The following PARP16 variants were observed in gnomAD, a reference collection of about 807,000 sequenced individuals.
PARP16 encodes the protein protein mono-ADP-ribosyltransferase PARP16.
Under a neutral mutation model 35.0 loss-of-function variants are expected in PARP16, and 31 were observed. That is an observed-to-expected ratio of 0.88 (90% CI 0.66 to 1.19). PARP16 has a LOEUF of 1.19. PARP16 is among the 50% of genes most tolerant of loss of function. PARP16 has a pLI of 0.00. For missense variants in PARP16, 424 were observed against 411.2 expected, an observed-to-expected ratio of 1.03 and a Z score of -0.27; for synonymous variants, 162 against 169.5, an observed-to-expected ratio of 0.96 and a Z score of 0.34.
chr15:65,266,015 G>A (rs2089879010), intron 3 of PARP16, among the ~76,000 whole-genome samples: 1 of 152,092 alleles, frequency 6.6e-6, no homozygotes, highest in Non-Finnish European at 1.5e-5. Context: ...TGCCACCTCT[G>A]CCTCCCAGGT....
intron 1 of PARP16, 114 bp from the exon 2 acceptor site, chr15:65,271,186 T>G: frequency 1.1e-6 from 1 of 941,190 alleles, no homozygotes; most frequent in Non-Finnish European, 1.7e-6. Context: ...AGGGATCTCC[T>G]GAGAGGAAAT....
chr15:65,231,628 A>G (rs1166134049), downstream of PARP16, among the ~76,000 whole-genome samples: 1 of 151,622 alleles, frequency 6.6e-6, no homozygotes, highest in Admixed American at 6.6e-5. Context: ...TTGTATTTTT[A>G]GTAGAGACGG....
At chr15:65,266,445 G>A (rs188756111) in intron 3 of PARP16, 117 bp downstream of exon 3, 152 of 779,116 alleles carry the variant, frequency 2.0e-4, no homozygotes, top group East Asian at 1.3e-3. Flanking sequence ...GTGAGAAGGC[G>A]TTAGTAAACC....
intron 1 of PARP16, among the ~76,000 whole-genome samples, chr15:65,281,297 T>C (rs930685192): frequency 2.0e-5 from 3 of 152,230 alleles, no homozygotes; most frequent in African/African-American, 7.2e-5. Flanking sequence ...TGAGAAATCC[T>C]GAGCCTGGGT....
chr15:65,273,293 A>T (rs624535), intron 1 of PARP16, among the ~76,000 whole-genome samples: 2,043 of 149,546 alleles, frequency 0.014, 100 homozygotes, highest in African/African-American at 0.042. Context: ...AAAAAAAAAA[A>T]AGAATACCTG....
At chr15:65,278,047 C>T (rs933024759) in intron 1 of PARP16, among the ~76,000 whole-genome samples, 2 of 152,186 alleles carry the variant, frequency 1.3e-5, no homozygotes, top group Admixed American at 6.5e-5. Flanking sequence ...GGGTTTCCCA[C>T]TCCAGGTGGG....
At chr15:65,248,179 C>T (rs1159036768) in exon 3 of PARP16, 9 of 456,358 alleles carry the variant, frequency 2.0e-5, no homozygotes, top group Non-Finnish European at 3.5e-5. Context: ...TTTAGATGGC[C>T]ACACTCTGGC....
chr15:65,282,996 G>C (rs1240990448), intron 1 of PARP16, among the ~76,000 whole-genome samples: 12 of 152,112 alleles, frequency 7.9e-5, no homozygotes, highest in Admixed American at 7.9e-4. Flanking sequence ...ATTTTAAAAA[G>C]CATGATCAAA....
rs1352431175 is a variant in PARP16 at position 65,267,234 on chromosome 15, T to C, written c.313-466A>G. ...CCAGACTGGGCAACAAGAGTGAAAC[T>C]CCATTTAAAAAAATAATAATAATAA... On this transcript the variant is annotated intron_variant, in intron 2 of 5. Coordinates refer to ENST00000649807, the MANE Select transcript of PARP16 (RefSeq NM_001316943.2). Among the ~76,000 whole-genome samples the C allele has an allele frequency of 2.0e-5, 3 of 151,160 alleles. No homozygotes were observed. The East Asian group carries it at 5.9e-4, about 30-fold the overall frequency.
At chr15:65,257,613 G>A (rs1251021505), downstream of PARP16, among the ~76,000 whole-genome samples, 2 of 121,354 alleles carry the variant, frequency 1.6e-5, no homozygotes, top group African/African-American at 6.5e-5. Context: ...CTGAGTGACA[G>A]AGCAAGACTC....
At chr15:65,269,485 C>T (rs1322761903) in intron 2 of PARP16, among the ~76,000 whole-genome samples, 3 of 152,108 alleles carry the variant, frequency 2.0e-5, no homozygotes, top group Admixed American at 6.6e-5. Context: ...CATGAGCTAC[C>T]GCACCCAGCC....
intron 3 of PARP16, among the ~76,000 whole-genome samples, chr15:65,242,796 C>T (rs1050824070): frequency 6.6e-6 from 1 of 151,676 alleles, no homozygotes; most frequent in Non-Finnish European, 1.5e-5. Context: ...CTCACTGCAA[C>T]CTCTGCCTCC....
At chr15:65,246,290 C>G (rs1021651269) in intron 3 of PARP16, among the ~76,000 whole-genome samples, 1 of 152,188 alleles carries the variant, frequency 6.6e-6, no homozygotes, top group Non-Finnish European at 1.5e-5. Context: ...CCCCAGCAAC[C>G]CTGGCTGAGA....
In PARP16 at chr15:65,273,276, C is replaced by CAAAAAAAAAAAAAAAAAAAAAAAAAA. The variant is rs1233896826; in HGVS notation, c.175-2205_175-2204insTTTTTTTTTTTTTTTTTTTTTTTTTT. On this transcript the variant is annotated intron_variant, in intron 1 of 5. Transcript: ENST00000649807. ...CTGGTGACAGAGAGAGACTCTGTCT[C>CAAAAAAAAAAAAAAAAAAAAAAAAAA]AAAAAAAAAAAAAAAAAAGAATACC... Among the ~76,000 whole-genome samples, 43 of 57,506 alleles carry CAAAAAAAAAAAAAAAAAAAAAAAAAA rather than the reference C, an allele frequency of 7.5e-4. 2 individuals carry two copies. The highest frequency in any genetic ancestry group is 1.1e-3 in the Non-Finnish European group (32 of 28,734). 37.7% of individuals were successfully genotyped at this position (57,506 alleles called of 152,430 possible).
At chr15:65,286,109 C>A in intron 1 of PARP16, 144 bp downstream of exon 1, 1 of 655,018 alleles carries the variant, frequency 1.5e-6, no homozygotes, top group African/African-American at 1.9e-5. Context: ...GAAACCTTCC[C>A]CAAGGCAAGG....
chr15:65,240,677 G>A (rs2089048481), intron 3 of PARP16, among the ~76,000 whole-genome samples: 1 of 152,048 alleles, frequency 6.6e-6, no homozygotes, highest in South Asian at 2.1e-4. Context: ...GGGCTGTCCA[G>A]TTTTTAGCTA....
downstream of PARP16, among the ~76,000 whole-genome samples, chr15:65,257,233 A>G (rs540466738): frequency 2.6e-5 from 4 of 152,296 alleles, no homozygotes; most frequent in East Asian, 1.9e-4. Context: ...CCTGGCCAAC[A>G]TGGTAAAACC....
chr15:65,238,256 C>T (rs146930722), intron 3 of PARP16, among the ~76,000 whole-genome samples: 2,188 of 152,218 alleles, frequency 0.014, 19 homozygotes, highest in Middle Eastern at 0.024. Context: ...TGCGCTCTAG[C>T]CTGGGCAACA....
chr15:65,269,778 T>G (rs1193794161), intron 2 of PARP16, among the ~76,000 whole-genome samples: 1 of 152,202 alleles, frequency 6.6e-6, no homozygotes, highest in Non-Finnish European at 1.5e-5. Flanking sequence ...CCCCACAGTT[T>G]AAAAGAAATT....
Sources: allele counts gnomAD v4.1 joint callset (sites outside exome capture counted in the v4.1 genomes callset), GRCh38; gene constraint gnomAD v4.1.1; transcripts MANE v1.5; gene names NCBI Gene and HGNC (gene_info 2026-07-23, HGNC 2026-07-21).